ATP12A: variants seen among roughly 807,000 people sequenced by gnomAD.
The protein encoded by ATP12A is ATPase H+/K+ transporting non-gastric alpha2 subunit.
In ATP12A, 81 loss-of-function variants were observed where a neutral mutation model predicts 111.2. The ratio of observed to expected loss-of-function variants is 0.73; its 90% confidence interval spans 0.61 to 0.88. The LOEUF is 0.88. Among genes scored for constraint, ATP12A ranks in the 40% least tolerant of loss-of-function variants. The probability of loss-of-function intolerance (pLI) is 0.00; values close to 1 mark genes in which losing one functional copy is unlikely to be tolerated. For missense variants in ATP12A, 1,196 were observed against 1,313.1 expected (o/e 0.91, Z 1.38); for synonymous variants, 498 against 499.8 (o/e 1.00, Z 0.05).
Position 24,711,407 on chromosome 13 carries a change from G to A in ATP12A, c.3089G>A (p.Gly1030Glu), listed in dbSNP as rs1875965086. The A allele has an allele frequency of 6.2e-7, 1 of 1,613,684 alleles. No individual in the cohort carries two copies. The highest frequency in any genetic ancestry group is 1.7e-5 in the Admixed American group (1 of 59,974). Residue 1030 changes from glycine (G) to glutamate (E), a missense_variant and splice_region_variant, in exon 22 of 23, where the codon GGA (glycine) becomes GAA (glutamate). Physicochemically the swap from Gly to Glu is moderately conservative, Grantham distance 98 (BLOSUM62 -2). Coordinates refer to ENST00000381946, the MANE Select transcript of ATP12A (RefSeq NM_001676.7). ...VRKLFIRLYP[G>E]SWWDKNMYY ...AAGCTCTTCATCAGGCTCTACCCTGGAAGTGAGTAGCCTATGATTTTAGAG... is the reference window on the plus strand; with the variant it reads ...AAGCTCTTCATCAGGCTCTACCCTGAAAGTGAGTAGCCTATGATTTTAGAG...
Position 24,690,652 on chromosome 13 carries a change from T to C in ATP12A, c.730T>C (p.Ser244Pro). The part of the protein sequence containing the change: ...TGESEPQPRS[S>P]EFTHENPLET... ...GGAGTCTGAGCCCCAGCCCCGCTCC[T>C]CTGAGTTTACCCATGAAAACCCCCT... The change falls in exon 7 of 23, where the codon TCT (serine) becomes CCT (proline). Residue 244 changes from serine to proline, a missense_variant. Physicochemically the swap from Ser to Pro is moderately conservative, Grantham distance 74. Transcript: ENST00000381946. The C allele has an allele frequency of 6.2e-7, 1 of 1,613,950 alleles. No homozygotes were observed. Among genetic ancestry groups the C allele is most frequent in the Non-Finnish European group, 8.5e-7 (1 of 1,179,956 alleles).
intron 12 of ATP12A, among the ~76,000 whole-genome samples, chr13:24,700,132 C>T (rs1407560408): frequency 6.6e-6 from 1 of 152,182 alleles, no homozygotes; most frequent in Admixed American, 6.5e-5. Context: ...GAGTCCCTTC[C>T]ACCTCAGCCT....
chr13:24,700,173 T>C (rs1367235159), intron 12 of ATP12A, among the ~76,000 whole-genome samples: 2 of 152,210 alleles, frequency 1.3e-5, no homozygotes, highest in Admixed American at 6.5e-5. Flanking sequence ...GAGAAAAGGA[T>C]GGCTCGGCCC....
At chr13:24,690,885 C>A in intron 7 of ATP12A, 97 bp from the exon 8 acceptor site, 1 of 1,523,296 alleles carries the variant, frequency 6.6e-7, no homozygotes, top group Non-Finnish European at 9.0e-7. Context: ...ATGTGGTGTG[C>A]CTATCGATTG....
intron 22 of ATP12A, 37 bp downstream of exon 22, chr13:24,711,446 A>G (rs564484648): frequency 6.2e-7 from 1 of 1,613,630 alleles, no homozygotes; most frequent in South Asian, 1.1e-5. Context: ...CTGTTTACCC[A>G]CTTCAACAGA....
intron 5 of ATP12A, among the ~76,000 whole-genome samples, chr13:24,690,087 A>T (rs1239187520): frequency 1.3e-5 from 2 of 152,096 alleles, no homozygotes. Context: ...AAGAAAAAGT[A>T]GTTCTTAGAG....
intron 17 of ATP12A, among the ~76,000 whole-genome samples, chr13:24,708,926 A>AAAG (rs1416447891): frequency 7.3e-6 from 1 of 137,688 alleles, no homozygotes; most frequent in Non-Finnish European, 1.6e-5. Flanking sequence ...AGAAAGAAAG[A>AAAG]AAGAAAGAAA....
At chr13:24,684,654 C>T (rs1874603711) in intron 2 of ATP12A, among the ~76,000 whole-genome samples, 1 of 152,168 alleles carries the variant, frequency 6.6e-6, no homozygotes, top group Admixed American at 6.5e-5. Context: ...TGGGTGGAGC[C>T]CACAACAAAG....
rs138666023 is a variant in ATP12A at position 24,707,103 on chromosome 13, G to A, written c.2250G>A (p.Gly750=). 6.2e-6 allele frequency: 10 copies of A among 1,614,160 alleles called. No individual in the cohort carries two copies. Among genetic ancestry groups the A allele is most frequent in the Non-Finnish European group, 8.5e-6 (10 of 1,180,032 alleles). ...LKKADIGIAM[G]IAGSDAAKNA... is the part of the protein sequence containing the mutation. ...AGGCAGACATTGGGATTGCCATGGG[G>A]ATAGCAGGTTCTGATGCAGCCAAAA... is the stretch of plus-strand genomic sequence containing the variant. Residue 750 remains glycine (G), a synonymous_variant, in exon 16 of 23, where the codon GGG becomes GGA. Coordinates refer to ENST00000381946, the MANE Select transcript of ATP12A (RefSeq NM_001676.7).
At chr13:24,693,929 G>A (rs1042125321) in intron 10 of ATP12A, among the ~76,000 whole-genome samples, 1 of 152,144 alleles carries the variant, frequency 6.6e-6, no homozygotes, top group South Asian at 2.1e-4. Context: ...GGTCTTTCTC[G>A]AATGCCACTA....
chr13:24,682,660 G>C (rs1442890630), intron 2 of ATP12A, among the ~76,000 whole-genome samples: 1 of 152,200 alleles, frequency 6.6e-6, no homozygotes, highest in Non-Finnish European at 1.5e-5. Flanking sequence ...AAGCCCCTAG[G>C]CCATGCTAGA....
At position 24,709,422 on chromosome 13, in the gene ATP12A, C is replaced by A; in HGVS notation, c.2552C>A (p.Pro851His). ...GAAAGTGACATCATGAACAGGAAGC[C>A]TCGCCACAAGAATAAGGACAGGCTG... is the stretch of plus-strand genomic sequence containing the variant. ...KAESDIMNRKPRHKNKDRLVN... is the reference protein window; with the variant it reads ...KAESDIMNRKHRHKNKDRLVN... Residue 851 changes from proline to histidine, a missense_variant, in exon 18 of 23, where the codon CCT becomes CAT. Physicochemically the swap from Pro to His is moderately conservative, Grantham distance 77. Transcript: ENST00000381946. The A allele has an allele frequency of 1.9e-6, 3 of 1,614,070 alleles. No individual in the cohort carries two copies. Among genetic ancestry groups the A allele is most frequent in the Non-Finnish European group, 1.7e-6 (2 of 1,180,028 alleles).
At chr13:24,689,444 C>A in intron 5 of ATP12A, 69 bp downstream of exon 5, 2 of 1,383,540 alleles carry the variant, frequency 1.4e-6, no homozygotes, top group Non-Finnish European at 2.1e-6. Flanking sequence ...CTGGGAGGGG[C>A]ACAGGGCCCT....
At chr13:24,708,888 GAAAGAAAGA>G (rs1364101012) in intron 17 of ATP12A, among the ~76,000 whole-genome samples, 19 of 114,124 alleles carry the variant, frequency 1.7e-4, no homozygotes, top group African/African-American at 6.0e-4. Flanking sequence ...GAGAGAAAGA[GAAAGAAAGA>G]AAGGAAAGAA....
chr13:24,696,743 A>AAAAAG (rs1555254852), intron 11 of ATP12A, among the ~76,000 whole-genome samples: 33 of 99,364 alleles, frequency 3.3e-4, no homozygotes, highest in Non-Finnish European at 5.4e-4. Context: ...AAAAAAAAAA[A>AAAAAG]AAAGAAAGGG....
chr13:24,688,577 C>A lies in ATP12A; in HGVS notation c.432+55C>A, dbSNP rs1359951651. ...TTGCTGGCAGAGCCATCCAGTGAGG[C>A]CTTGGGGGCACAGCTGGGGGCTGAA... On this transcript the variant is annotated intron_variant, in intron 4 of 22. Transcript: ENST00000381946. 4 of 1,460,880 alleles carry A rather than the reference C, an allele frequency of 2.7e-6. No individual in the cohort carries two copies. The Admixed American group carries it at 6.9e-5, about 25-fold the overall frequency. 90.5% of individuals were successfully genotyped at this position (1,460,880 alleles called of 1,614,324 possible).
intron 5 of ATP12A, 42 bp downstream of exon 5, chr13:24,689,417 A>C (rs1593133058): frequency 6.4e-7 from 1 of 1,556,710 alleles, no homozygotes; most frequent in African/African-American, 1.4e-5. Flanking sequence ...GGTGACTCCC[A>C]GGTGAGGAAG....
At chr13:24,706,531 G>A in intron 15 of ATP12A, 68 bp downstream of exon 15, 1 of 1,563,360 alleles carries the variant, frequency 6.4e-7, no homozygotes, top group African/African-American at 1.4e-5. Context: ...GCAGAGGTCT[G>A]GATCTCACAT....
chr13:24,682,959 C>CTT (rs34361489), intron 2 of ATP12A, among the ~76,000 whole-genome samples: 4 of 139,050 alleles, frequency 2.9e-5, no homozygotes, highest in Non-Finnish European at 4.7e-5. Flanking sequence ...TAAAACTAGC[C>CTT]TTTTTTTTTT....
Sources: gnomAD v4.1 joint callset for allele counts (sites outside exome capture counted in the v4.1 genomes callset) on GRCh38, gnomAD v4.1.1 for gene constraint, MANE v1.5 for transcripts, NCBI Gene and HGNC (gene_info 2026-07-23, HGNC 2026-07-21) for gene names.